The following TNRC6C variants were observed in gnomAD, a reference collection of about 807,000 sequenced individuals.
TNRC6C encodes the protein trinucleotide repeat-containing gene 6C protein.
TNRC6C carries 20 observed loss-of-function variants against 153.7 expected under a neutral mutation model. The observed-to-expected ratio is 0.13, with a 90% CI of 0.09 to 0.19. The LOEUF (loss-of-function observed/expected upper bound fraction) is 0.19. TNRC6C is among the 10% of genes least tolerant of loss of function. The pLI is 1.00. For missense variants in TNRC6C, 1,987 were observed against 2,172.0 expected, an observed-to-expected ratio of 0.91 and a Z score of 1.69; for synonymous variants, 811 against 841.4, an observed-to-expected ratio of 0.96 and a Z score of 0.63.
intron 2 of TNRC6C, among the ~76,000 whole-genome samples, chr17:78,039,309 G>GCCCCCCCCCCCCCCCCCCCCC (rs11306576): frequency 8.8e-6 from 1 of 113,464 alleles, no homozygotes; most frequent in African/African-American, 3.6e-5. Flanking sequence ...TTCAAATCTT[G>GCCCCCCCCCCCCCCCCCCCCC]CCCCCCCCCC....
At chr17:78,050,842 G>A in exon 3 of TNRC6C, 3 of 1,613,980 alleles carry the variant, frequency 1.9e-6, no homozygotes, top group East Asian at 2.2e-5. Flanking sequence ...AGCCTGGAGT[G>A]CAGGAGGGGG....
At chr17:78,046,439 A>G (rs1053947074) in intron 2 of TNRC6C, among the ~76,000 whole-genome samples, 3 of 152,052 alleles carry the variant, frequency 2.0e-5, no homozygotes, top group Non-Finnish European at 2.9e-5. Context: ...CGGCCTCCCA[A>G]AGTGCTGGGA....
chr17:77,976,740 C>T lies in TNRC6C; in HGVS notation c.-38+17472C>T, dbSNP rs1333412523. On this transcript the variant is annotated intron_variant, in intron 1 of 22. Coordinates refer to the TNRC6C transcript ENST00000636222. ...GGTCAGGAGTTAGAGATCAGCCTAA[C>T]CAATATGGTGAAACCCCATCTCTAC... Among the ~76,000 whole-genome samples the T allele has an allele frequency of 2.0e-5, 3 of 151,934 alleles. No individual in the cohort carries two copies. The East Asian group carries it at 5.8e-4, about 29-fold the overall frequency.
upstream of TNRC6C, among the ~76,000 whole-genome samples, chr17:77,999,195 G>T (rs1205064234): frequency 6.6e-6 from 1 of 152,130 alleles, no homozygotes; most frequent in Non-Finnish European, 1.5e-5. Flanking sequence ...TTTCTCTCTG[G>T]GATCCCTGAC....
In TNRC6C at chr17:78,064,717, T is replaced by C. The variant is rs1567947012; in HGVS notation, c.2396-5T>C. The C allele has an allele frequency of 1.2e-6, 2 of 1,613,256 alleles. No individual in the cohort carries two copies. The highest frequency in any genetic ancestry group is 2.2e-5 in the South Asian group (2 of 90,942). ...ATTTTCTCTACCCCTTGGAACCTTT[T>C]TCAGTTTCATCAGGCTGGGGAGAAA... is the stretch of plus-strand genomic sequence containing the variant. On this transcript the variant is annotated splice_polypyrimidine_tract_variant and splice_region_variant and intron_variant, in intron 3 of 19. Coordinates refer to ENST00000301624, the Ensembl canonical transcript of TNRC6C.
At chr17:78,060,135 C>A (rs2144134836) in intron 3 of TNRC6C, among the ~76,000 whole-genome samples, 1 of 152,216 alleles carries the variant, frequency 6.6e-6, no homozygotes, top group South Asian at 2.1e-4. Context: ...TGTCAAATGC[C>A]CACCACAAAG....
chr17:78,089,036 C>T (rs140851050), intron 13 of TNRC6C, among the ~76,000 whole-genome samples: 2,127 of 143,222 alleles, frequency 0.015, 17 homozygotes, highest in Middle Eastern at 0.055. Flanking sequence ...GGCGCAGTCT[C>T]GGCTCACTGC....
At chr17:78,004,175 AAG>A, upstream of TNRC6C, 2 of 1,231,506 alleles carry the variant, frequency 1.6e-6, no homozygotes, top group Non-Finnish European at 2.0e-6. Flanking sequence ...AATAGGGAGA[AAG>A]AGCAAGAAAC....
intron 1 of TNRC6C, among the ~76,000 whole-genome samples, chr17:77,990,517 C>A (rs1011447751): frequency 6.6e-6 from 1 of 152,204 alleles, no homozygotes; most frequent in African/African-American, 2.4e-5. Flanking sequence ...GTAGAACTTT[C>A]ATGCGTGTTG....
At chr17:77,987,207 A>G (rs941678433) in intron 1 of TNRC6C, among the ~76,000 whole-genome samples, 64 of 152,370 alleles carry the variant, frequency 4.2e-4, no homozygotes, top group African/African-American at 1.5e-3. Context: ...TAGACAGGCA[A>G]TGTACAGAAA....
At chr17:78,097,958 A>C in intron 16 of TNRC6C, 97 bp downstream of exon 19, 2 of 1,044,048 alleles carry the variant, frequency 1.9e-6, no homozygotes, top group Non-Finnish European at 1.4e-6. Context: ...CTCTTTACTC[A>C]CTCCCTGAGC....
intron 1 of TNRC6C, among the ~76,000 whole-genome samples, chr17:78,005,582 C>T (rs1159605018): frequency 1.3e-5 from 2 of 152,228 alleles, no homozygotes; most frequent in Non-Finnish European, 2.9e-5. Flanking sequence ...GCATTTCTCA[C>T]TGTTACTCAG....
intron 2 of TNRC6C, among the ~76,000 whole-genome samples, chr17:78,042,368 A>G (rs774145058): frequency 4.6e-5 from 7 of 152,250 alleles, no homozygotes; most frequent in Non-Finnish European, 7.4e-5. Flanking sequence ...TTTATTAGTT[A>G]CAAACCCTGG....
chr17:78,045,598 A>G lies in TNRC6C; in HGVS notation c.-218-3247A>G, dbSNP rs369055659. ...TGACTTCAGCTAGAACTCAGATTGT[A>G]GCACTATGCATGTATGGTTTTGTTT... is the stretch of plus-strand genomic sequence containing the variant. On this transcript the variant is annotated intron_variant, in intron 2 of 19. Coordinates refer to ENST00000301624, the Ensembl canonical transcript of TNRC6C. 5.9e-5 allele frequency among the ~76,000 whole-genome samples: 9 copies of G among 152,238 alleles called. No individual in the cohort carries two copies. In the East Asian group the frequency reaches 1.7e-3, roughly 29 times the overall value.
chr17:78,092,963 C>T (rs370534213), exon 15 of TNRC6C: 1 of 1,613,746 alleles, frequency 6.2e-7, no homozygotes, highest in African/African-American at 1.3e-5. Flanking sequence ...AGCATTGGGC[C>T]TCCAGGTAAG....
chr17:77,961,305 G>A (rs773793241), intron 1 of TNRC6C, among the ~76,000 whole-genome samples: 10 of 152,166 alleles, frequency 6.6e-5, no homozygotes, highest in Non-Finnish European at 1.2e-4. Context: ...ACAGGTGCCC[G>A]CCGCCACGCC....
At chr17:77,997,930 A>C (rs147895676) in intron 1 of TNRC6C, among the ~76,000 whole-genome samples, 1 of 152,174 alleles carries the variant, frequency 6.6e-6, no homozygotes, top group African/African-American at 2.4e-5. Context: ...CTGGGATTAC[A>C]GGCGTGAGCC....
At chr17:78,058,243 G>T (rs1011693158) in intron 3 of TNRC6C, among the ~76,000 whole-genome samples, 4 of 152,200 alleles carry the variant, frequency 2.6e-5, no homozygotes, top group Non-Finnish European at 4.4e-5. Context: ...GTGGGATGTG[G>T]CAGAAAGGGA....
chr17:78,032,913 G>C (rs971404870), intron 2 of TNRC6C, among the ~76,000 whole-genome samples: 1 of 152,182 alleles, frequency 6.6e-6, no homozygotes, highest in African/African-American at 2.4e-5. Flanking sequence ...GGGGATGTAG[G>C]TCAATGATTG....
Sources: allele counts gnomAD v4.1 joint callset (sites outside exome capture counted in the v4.1 genomes callset), GRCh38; gene constraint gnomAD v4.1.1; transcripts MANE v1.5; gene names NCBI Gene and HGNC (gene_info 2026-07-23, HGNC 2026-07-21).